Variants in FERMT1 observed in about 807,000 individuals in gnomAD.
FERMT1 encodes fermitin family homolog 1.
Under a neutral mutation model 85.3 loss-of-function variants are expected in FERMT1, and 60 were observed. That is an observed-to-expected ratio of 0.70 (90% CI 0.57 to 0.87). The LOEUF is 0.87. FERMT1 is among the 40% of genes least tolerant of loss of function. The probability of loss-of-function intolerance (pLI) is 0.00; values close to 1 mark genes in which losing one functional copy is unlikely to be tolerated. For missense variants in FERMT1, 701 were observed against 818.9 expected (o/e 0.86, Z 1.76); for synonymous variants, 275 against 301.1 (o/e 0.91, Z 0.90).
At position 6,119,488 on chromosome 20, in the gene FERMT1, C is replaced by G; in HGVS notation, c.67G>C (p.Glu23Gln). The G allele has an allele frequency of 6.2e-7, 1 of 1,614,202 alleles. No individual in the cohort carries two copies. Among genetic ancestry groups the G allele is most frequent in the Non-Finnish European group, 8.5e-7 (1 of 1,180,028 alleles). ...AGTGTGACGTCTTTCTGCTGCTCTT[C>G]ATTGGGATGGTCAACGCGGACCACA... The part of the protein sequence containing the change: ...ELVVRVDHPN[E>Q]EQQKDVTLRV... The change falls in exon 2 of 15, where the codon GAA becomes CAA. Residue 23 changes from glutamate (E) to glutamine (Q), a missense_variant. Coordinates refer to ENST00000217289, the MANE Select transcript of FERMT1 (RefSeq NM_017671.5).
chr20:6,085,256 C>G lies in FERMT1; in HGVS notation c.1403G>C (p.Cys468Ser), dbSNP rs186300804. ...GGTTTTGCCCTTCGATGCCAACATGCAGGCAGCCATCCATTGGGCGTATTG... is the reference window on the plus strand; with the variant it reads ...GGTTTTGCCCTTCGATGCCAACATGGAGGCAGCCATCCATTGGGCGTATTG... The part of the protein sequence containing the change: ...ENQYAQWMAA[C>S]MLASKGKTMA... The change falls in exon 12 of 15, where the codon TGC becomes TCC. Residue 468 changes from cysteine (C) to serine (S), a missense_variant. Physicochemically the swap from Cys to Ser is moderately radical, Grantham distance 112. Coordinates refer to ENST00000217289, the MANE Select transcript of FERMT1 (RefSeq NM_017671.5). 3 of 1,613,922 alleles carry G rather than the reference C, an allele frequency of 1.9e-6. No individual in the cohort carries two copies. In the African/African-American group the frequency reaches 4.0e-5, roughly 22 times the overall value.
chr20:6,098,010 C>T (rs1302220450), intron 6 of FERMT1, among the ~76,000 whole-genome samples: 5 of 151,798 alleles, frequency 3.3e-5, no homozygotes, highest in African/African-American at 4.8e-5. Context: ...GAGATGGTTT[C>T]GCCATGTTGC....
rs1320719158 is a variant in FERMT1 at position 6,116,035 on chromosome 20, T to C, written c.161A>G (p.Gln54Arg). The C allele has an allele frequency of 6.2e-7, 1 of 1,613,504 alleles. No homozygotes were observed. The highest frequency in any genetic ancestry group is 8.5e-7 in the Non-Finnish European group (1 of 1,179,490). Residue 54 changes from glutamine (Q) to arginine (R), a missense_variant, in exon 3 of 15, where the codon CAA becomes CGA. Gln to Arg is a conservative substitution (Grantham distance 43). Coordinates refer to ENST00000217289, the MANE Select transcript of FERMT1 (RefSeq NM_017671.5). ...CCAAAGAGCAAAGTCTGACCAGTCT[T>C]GGGATATATCTGCAAAAATGAAAGC... ...LKLVEQINIS[Q>R]DWSDFALWWE... is the part of the protein sequence containing the mutation.
At chr20:6,086,722 T>C (rs1316421486) in intron 11 of FERMT1, among the ~76,000 whole-genome samples, 1 of 152,144 alleles carries the variant, frequency 6.6e-6, no homozygotes, top group Non-Finnish European at 1.5e-5. Flanking sequence ...TAAAAGTGTG[T>C]GGCACTTCCC....
chr20:6,080,340 G>A (rs138860469), intron 13 of FERMT1, among the ~76,000 whole-genome samples: 1,595 of 152,170 alleles, frequency 0.01, 30 homozygotes, highest in African/African-American at 0.037. Context: ...TAGAGACAGG[G>A]TCTTGTTATG....
chr20:6,106,485 G>T (rs1430559744), intron 6 of FERMT1, among the ~76,000 whole-genome samples: 1 of 152,188 alleles, frequency 6.6e-6, no homozygotes, highest in Non-Finnish European at 1.5e-5. Flanking sequence ...AAATGGAAAA[G>T]AGCAACAGGC....
intron 13 of FERMT1, among the ~76,000 whole-genome samples, chr20:6,082,397 A>G (rs1020579117): frequency 1.3e-5 from 2 of 152,194 alleles, no homozygotes; most frequent in Non-Finnish European, 2.9e-5. Flanking sequence ...GGCAGAGGTG[A>G]GACTGAAAGC....
intron 8 of FERMT1, among the ~76,000 whole-genome samples, chr20:6,095,309 A>T (rs1418770970): frequency 1.3e-5 from 2 of 152,174 alleles, no homozygotes; most frequent in African/African-American, 4.8e-5. Flanking sequence ...AGCTGTACAT[A>T]TGTGTATTTT....
At chr20:6,109,736 C>T (rs543529656) in intron 5 of FERMT1, among the ~76,000 whole-genome samples, 1 of 151,908 alleles carries the variant, frequency 6.6e-6, no homozygotes, top group East Asian at 1.9e-4. Flanking sequence ...CCAATCTCTA[C>T]TAAAAAAATA....
In FERMT1 at chr20:6,085,062, G is replaced by A. The variant is rs765508270; in HGVS notation, c.1593+4C>T. On this transcript the variant is annotated splice_donor_region_variant and intron_variant, in intron 12 of 14. Transcript: ENST00000217289. ...AACAATTGCCCTAACAAGATTAACAGTACCTGTTTGGATTTGTGTCTTTTT... is the reference window on the plus strand; with the variant it reads ...AACAATTGCCCTAACAAGATTAACAATACCTGTTTGGATTTGTGTCTTTTT... 10 of 1,608,094 alleles carry A rather than the reference G, an allele frequency of 6.2e-6. No homozygotes were observed. Among genetic ancestry groups the A allele is most frequent in the South Asian group, 4.4e-5 (4 of 90,968 alleles).
intron 6 of FERMT1, 77 bp from the exon 7 acceptor site, chr20:6,097,708 G>C (rs1982548550): frequency 9.8e-7 from 1 of 1,018,980 alleles, no homozygotes; most frequent in African/African-American, 1.6e-5. Context: ...AAACAACTGA[G>C]GCCATTCTCT....
At chr20:6,121,491 A>G (rs1983276578) in intron 1 of FERMT1, among the ~76,000 whole-genome samples, 1 of 152,212 alleles carries the variant, frequency 6.6e-6, no homozygotes, top group South Asian at 2.1e-4. Context: ...AGAGATCCAC[A>G]CAGAACCCTC....
chr20:6,088,328 G>A (rs1385920635), intron 10 of FERMT1, among the ~76,000 whole-genome samples: 2 of 152,294 alleles, frequency 1.3e-5, no homozygotes, highest in East Asian at 3.9e-4. Flanking sequence ...AAGTGACACT[G>A]AATTAAATAT....
Position 6,119,470 on chromosome 20 carries a change from C to A in FERMT1, c.85G>T (p.Val29Phe). The change falls in exon 2 of 15, where the codon GTC (valine) becomes TTC (phenylalanine). Residue 29 changes from valine to phenylalanine, a missense_variant. Physicochemically the swap from Val to Phe is conservative, Grantham distance 50 (BLOSUM62 -1). Coordinates refer to ENST00000217289, the MANE Select transcript of FERMT1 (RefSeq NM_017671.5). ...AGGTCTCCAGATACTCTCAGTGTGACGTCTTTCTGCTGCTCTTCATTGGGA... is the reference window on the plus strand; with the variant it reads ...AGGTCTCCAGATACTCTCAGTGTGAAGTCTTTCTGCTGCTCTTCATTGGGA... Reference protein sequence around the residue: ...DHPNEEQQKDVTLRVSGDLHV... With the variant: ...DHPNEEQQKDFTLRVSGDLHV... 6.2e-7 allele frequency: 1 copy of A among 1,614,160 alleles called. No homozygotes were observed. Among genetic ancestry groups the A allele is most frequent in the South Asian group, 1.1e-5 (1 of 91,088 alleles).
Position 6,119,510 on chromosome 20 carries a change from C to T in FERMT1, c.45G>A (p.Val15=), listed in dbSNP as rs1568667183. Residue 15 remains valine (V), a synonymous_variant, in exon 2 of 15, where the codon GTG becomes GTA. Coordinates refer to ENST00000217289, the MANE Select transcript of FERMT1 (RefSeq NM_017671.5). ...CTTCATTGGGATGGTCAACGCGGAC[C>T]ACAAGCTCCCAGGAAGCAAATGTAA... ...TDFTFASWEL[V]VRVDHPNEEQ... 6.2e-7 allele frequency: 1 copy of T among 1,614,162 alleles called. No homozygotes were observed. The highest frequency in any genetic ancestry group is 8.5e-7 in the Non-Finnish European group (1 of 1,180,030).
intron 13 of FERMT1, 42 bp downstream of exon 13, chr20:6,083,998 A>G (rs1280535150): frequency 6.2e-7 from 1 of 1,613,526 alleles, no homozygotes; most frequent in African/African-American, 1.3e-5. Flanking sequence ...GCCACTTAAA[A>G]TTGAATGGAA....
At chr20:6,118,323 AAATC>A (rs1448166720) in intron 2 of FERMT1, among the ~76,000 whole-genome samples, 2 of 152,196 alleles carry the variant, frequency 1.3e-5, no homozygotes, top group Non-Finnish European at 2.9e-5. Flanking sequence ...ATAAAGTTCA[AAATC>A]AAGCAATGAT....
intron 1 of FERMT1, 84 bp from the exon 2 acceptor site, chr20:6,119,656 T>G: frequency 8.5e-7 from 1 of 1,176,806 alleles, no homozygotes; most frequent in Non-Finnish European, 1.2e-6. Flanking sequence ...AAATTTCTTT[T>G]TTGTTTTGTT....
intron 4 of FERMT1, among the ~76,000 whole-genome samples, chr20:6,110,841 G>C (rs1369131941): frequency 6.6e-6 from 1 of 152,158 alleles, no homozygotes; most frequent in East Asian, 1.9e-4. Context: ...CACAGGTAAT[G>C]GTCTTATCTG....
Sources: allele counts gnomAD v4.1 joint callset (sites outside exome capture counted in the v4.1 genomes callset), GRCh38; gene constraint gnomAD v4.1.1; transcripts MANE v1.5; gene names NCBI Gene and HGNC (gene_info 2026-07-23, HGNC 2026-07-21).